Variants in ARHGAP42 observed in about 807,000 individuals in gnomAD.
ARHGAP42 encodes the protein rho GTPase-activating protein 42.
ARHGAP42 carries 63 observed loss-of-function variants against 125.0 expected under a neutral mutation model. The observed-to-expected ratio is 0.50, with a 90% confidence interval of 0.41 to 0.62. The LOEUF (loss-of-function observed/expected upper bound fraction) is 0.62. Among genes scored for constraint, ARHGAP42 ranks in the 20% least tolerant of loss-of-function variants. The pLI is 0.00. For synonymous variants in ARHGAP42, 339 were observed against 351.0 expected (o/e 0.97, Z 0.38); for missense variants, 766 against 1,024.2 (o/e 0.75, Z 3.44).
rs141169836 is a variant in ARHGAP42, at chr11:100,739,952, C to T, written c.155-30391C>T. ...TAGTGGCAAAGGCTTTTACCTAGAA[C>T]GGTGACTATCTGTGAAAAAATTTTG... On this transcript the variant is annotated intron_variant, in intron 1 of 23. Coordinates refer to ENST00000298815, the MANE Select transcript of ARHGAP42 (RefSeq NM_152432.4). 3.0e-3 allele frequency among the ~76,000 whole-genome samples: 457 copies of T among 152,112 alleles called. 1 individual carries two copies. The highest frequency in any genetic ancestry group is 0.01 in the African/African-American group (425 of 41,496).
chr11:100,905,620 G>C (rs1171169542), intron 4 of ARHGAP42, among the ~76,000 whole-genome samples: 1 of 152,130 alleles, frequency 6.6e-6, no homozygotes, highest in Non-Finnish European at 1.5e-5. Context: ...CTTGGCATCA[G>C]TAATTGCCTT....
At chr11:100,936,518 G>A (rs1867743202) in intron 8 of ARHGAP42, among the ~76,000 whole-genome samples, 186 bp downstream of exon 8, 1 of 152,132 alleles carries the variant, frequency 6.6e-6, no homozygotes, top group African/African-American at 2.4e-5. Flanking sequence ...TATCTAAGTT[G>A]GCATATTGTT....
At chr11:100,963,404 C>T (rs1302899547) in intron 16 of ARHGAP42, among the ~76,000 whole-genome samples, 3 of 152,220 alleles carry the variant, frequency 2.0e-5, no homozygotes, top group African/African-American at 7.2e-5. Context: ...GAGCCCATCA[C>T]AACAACCTGT....
chr11:100,951,222 T>C (rs1321941893), intron 12 of ARHGAP42, among the ~76,000 whole-genome samples: 1 of 152,030 alleles, frequency 6.6e-6, no homozygotes, highest in Admixed American at 6.6e-5. Flanking sequence ...AATAACATAA[T>C]TTAAAAATTA....
At chr11:100,764,867 G>C (rs1659407402) in intron 1 of ARHGAP42, among the ~76,000 whole-genome samples, 1 of 152,234 alleles carries the variant, frequency 6.6e-6, no homozygotes, top group Middle Eastern at 3.4e-3. Flanking sequence ...GGTAGGTTAG[G>C]TTTACAAATC....
chr11:100,954,574 G>A (rs918138128), intron 12 of ARHGAP42, among the ~76,000 whole-genome samples: 6 of 152,128 alleles, frequency 3.9e-5, no homozygotes, highest in African/African-American at 1.4e-4. Flanking sequence ...TGTTATGAGT[G>A]TTCTTGAGCT....
intron 1 of ARHGAP42, among the ~76,000 whole-genome samples, chr11:100,729,597 G>A (rs2120300096): frequency 6.6e-6 from 1 of 152,100 alleles, no homozygotes; most frequent in Middle Eastern, 3.4e-3. Flanking sequence ...CTGATAGGCG[G>A]CAAACTGTCC....
chr11:100,691,938 G>A (rs1406598333), intron 1 of ARHGAP42, among the ~76,000 whole-genome samples: 1 of 152,054 alleles, frequency 6.6e-6, no homozygotes, highest in African/African-American at 2.4e-5. Flanking sequence ...ATAACATCAT[G>A]TTATGTCTAT....
At chr11:100,708,613 A>G (rs980482106) in intron 1 of ARHGAP42, among the ~76,000 whole-genome samples, 10 of 152,218 alleles carry the variant, frequency 6.6e-5, no homozygotes, top group Non-Finnish European at 1.5e-4. Flanking sequence ...AAGGCAAAGT[A>G]ACATCACTAT....
At chr11:100,859,709 T>C in intron 4 of ARHGAP42, 84 bp downstream of exon 4, 1 of 1,103,168 alleles carries the variant, frequency 9.1e-7, no homozygotes, top group Non-Finnish European at 1.3e-6. Flanking sequence ...TTTTTGAAAT[T>C]AGAATGACCT....
chr11:100,871,349 C>A (rs564573820), intron 4 of ARHGAP42, among the ~76,000 whole-genome samples: 1 of 151,706 alleles, frequency 6.6e-6, no homozygotes, highest in Admixed American at 6.6e-5. Flanking sequence ...AGTTCGAGAC[C>A]AGCCTGGCCA....
At position 100,981,614 on chromosome 11, in the gene ARHGAP42, G is replaced by C. The variant is rs962006104; in HGVS notation, c.2456+2565G>C. Among the ~76,000 whole-genome samples the C allele has an allele frequency of 2.0e-5, 3 of 152,174 alleles. No homozygotes were observed. The East Asian group carries it at 5.8e-4, about 29-fold the overall frequency. ...CCCAGCATTGCTGCAGGCACTGCAG[G>C]TCATTGAACACAGGGGTGATCTAAT... On this transcript the variant is annotated intron_variant, in intron 22 of 23. Transcript: ENST00000298815.
chr11:100,874,057 G>A (rs1380978822), intron 4 of ARHGAP42, among the ~76,000 whole-genome samples: 5 of 152,182 alleles, frequency 3.3e-5, no homozygotes, highest in Admixed American at 1.3e-4. Context: ...AATTTACAAA[G>A]AAAAGAGGTT....
intron 1 of ARHGAP42, among the ~76,000 whole-genome samples, chr11:100,731,288 A>G (rs1861952695): frequency 6.6e-6 from 1 of 151,930 alleles, no homozygotes; most frequent in Non-Finnish European, 1.5e-5. Flanking sequence ...CCTCCCGAGT[A>G]GCTGGGACTA....
intron 4 of ARHGAP42, among the ~76,000 whole-genome samples, chr11:100,889,227 A>G (rs189924567): frequency 6.0e-4 from 91 of 152,320 alleles, no homozygotes; most frequent in Non-Finnish European, 1.1e-3. Flanking sequence ...TATGGTCTGA[A>G]TGTGTCTCCC....
intron 4 of ARHGAP42, among the ~76,000 whole-genome samples, chr11:100,876,427 T>C (rs1430864079): frequency 6.6e-6 from 1 of 152,200 alleles, no homozygotes; most frequent in Non-Finnish European, 1.5e-5. Context: ...AAAAACACTT[T>C]ACAATCAGAT....
intron 10 of ARHGAP42, among the ~76,000 whole-genome samples, chr11:100,947,046 C>T (rs1006946252): frequency 1.3e-5 from 2 of 151,824 alleles, no homozygotes; most frequent in East Asian, 3.9e-4. Flanking sequence ...TTTTTAAGAT[C>T]CACTTACTAA....
At chr11:100,788,429 G>A (rs979888406) in intron 2 of ARHGAP42, among the ~76,000 whole-genome samples, 1 of 152,178 alleles carries the variant, frequency 6.6e-6, no homozygotes, top group Non-Finnish European at 1.5e-5. Context: ...TCAGAAGGAT[G>A]TATGCCTCCA....
intron 3 of ARHGAP42, among the ~76,000 whole-genome samples, chr11:100,842,738 T>C (rs1864971639): frequency 6.6e-6 from 1 of 151,998 alleles, no homozygotes; most frequent in African/African-American, 2.4e-5. Flanking sequence ...AACAATGAAA[T>C]CAAAATAGAA....
Sources: allele counts gnomAD v4.1 joint callset (sites outside exome capture counted in the v4.1 genomes callset), GRCh38; gene constraint gnomAD v4.1.1; transcripts MANE v1.5; gene names NCBI Gene and HGNC (gene_info 2026-07-23, HGNC 2026-07-21).